Variants in NRG3 observed in about 807,000 individuals in gnomAD.
NRG3 encodes pro-neuregulin-3, membrane-bound isoform.
A neutral mutation model predicts 66.9 loss-of-function variants in NRG3; 31 were observed. That is an observed-to-expected ratio of 0.46 (90% CI 0.35 to 0.63). NRG3 has a LOEUF of 0.63. NRG3 is among the 20% of genes least tolerant of loss of function. NRG3 has a pLI of 0.00. For synonymous variants in NRG3, 393 were observed against 359.4 expected (o/e 1.09, Z -1.06); for missense variants, 910 against 878.9 (o/e 1.04, Z -0.45).
chr10:82,930,327 AGT>A (rs1847440185), intron 4 of NRG3, among the ~76,000 whole-genome samples: 1 of 152,218 alleles, frequency 6.6e-6, no homozygotes, highest in Non-Finnish European at 1.5e-5. Context: ...TGGTTAGCAT[AGT>A]GGTGGAATTT....
At chr10:82,360,520 G>A (rs1163130327) in intron 2 of NRG3, among the ~76,000 whole-genome samples, 1 of 152,228 alleles carries the variant, frequency 6.6e-6, no homozygotes, top group Admixed American at 6.5e-5. Flanking sequence ...TCCCACCACA[G>A]TATGCAGGCT....
At position 82,886,326 on chromosome 10, in the gene NRG3, T is replaced by C. The variant is rs531844280; in HGVS notation, c.1054+20889T>C. Among the ~76,000 whole-genome samples, 3 of 152,328 alleles carry C rather than the reference T, an allele frequency of 2.0e-5. No homozygotes were observed. The East Asian group carries it at 5.8e-4, about 29-fold the overall frequency. Reference sequence around the variant, plus strand: ...TCTTTTACAAAGGCACTTCCTTTCTTTATTTGGAGCTCAACCCTCACTAGC... The same window carrying C: ...TCTTTTACAAAGGCACTTCCTTTCTCTATTTGGAGCTCAACCCTCACTAGC... On this transcript the variant is annotated intron_variant, in intron 4 of 8. Coordinates refer to ENST00000372141, the MANE Select transcript of NRG3 (RefSeq NM_001010848.4).
chr10:81,942,178 C>T (rs986359502), intron 1 of NRG3, among the ~76,000 whole-genome samples: 15 of 152,048 alleles, frequency 9.9e-5, no homozygotes, highest in African/African-American at 3.6e-4. Flanking sequence ...AAGACTCCAA[C>T]CCAGAATTCA....
intron 1 of NRG3, among the ~76,000 whole-genome samples, chr10:81,912,142 T>C (rs1845230681): frequency 6.6e-6 from 1 of 152,226 alleles, no homozygotes; most frequent in African/African-American, 2.4e-5. Context: ...TTTTGTATTT[T>C]ATTTTATGCT....
chr10:82,495,354 T>C (rs912342159), intron 2 of NRG3, among the ~76,000 whole-genome samples: 5 of 152,194 alleles, frequency 3.3e-5, no homozygotes, highest in Non-Finnish European at 7.3e-5. Context: ...GGATTTTTCA[T>C]TGAGAAAAGA....
At chr10:82,382,878 T>C (rs1025219114) in intron 2 of NRG3, among the ~76,000 whole-genome samples, 3 of 152,016 alleles carry the variant, frequency 2.0e-5, no homozygotes, top group Non-Finnish European at 4.4e-5. Flanking sequence ...TTTGCCTGTA[T>C]AGAAATATTC....
At chr10:82,969,549 C>A (rs1851537072) in intron 6 of NRG3, among the ~76,000 whole-genome samples, 1 of 152,200 alleles carries the variant, frequency 6.6e-6, no homozygotes, top group Admixed American at 6.5e-5. Flanking sequence ...TGCAAAAAGA[C>A]TGACCAGCCT....
chr10:82,139,717 A>G (rs1281839354), intron 1 of NRG3, among the ~76,000 whole-genome samples: 2 of 152,182 alleles, frequency 1.3e-5, no homozygotes, highest in Admixed American at 6.6e-5. Context: ...ATCAAGGTGT[A>G]CACTTTTTTC....
chr10:82,092,270 C>T (rs901792828), intron 1 of NRG3, among the ~76,000 whole-genome samples: 1 of 152,118 alleles, frequency 6.6e-6, no homozygotes, highest in Non-Finnish European at 1.5e-5. Context: ...TTCTGCCTGA[C>T]TTCAAAGCAT....
At chr10:82,151,602 A>G (rs375345781) in intron 1 of NRG3, among the ~76,000 whole-genome samples, 6 of 152,114 alleles carry the variant, frequency 3.9e-5, no homozygotes, top group African/African-American at 1.4e-4. Context: ...AGTCGTCTGT[A>G]ATTTGTAAGT....
intron 1 of NRG3, among the ~76,000 whole-genome samples, chr10:82,169,800 A>G (rs903221673): frequency 2.6e-5 from 4 of 151,692 alleles, no homozygotes; most frequent in Admixed American, 1.3e-4. Context: ...CTTTCAGTAT[A>G]TCATTTTTAT....
At chr10:82,041,484 C>A (rs1279733768) in intron 1 of NRG3, among the ~76,000 whole-genome samples, 1 of 151,948 alleles carries the variant, frequency 6.6e-6, no homozygotes, top group Non-Finnish European at 1.5e-5. Flanking sequence ...CTGGATCTAT[C>A]TCTAAACCTA....
intron 4 of NRG3, among the ~76,000 whole-genome samples, chr10:82,933,841 C>CAATA (rs1445944587): frequency 1.3e-5 from 2 of 152,072 alleles, no homozygotes; most frequent in Non-Finnish European, 2.9e-5. Context: ...ATACTTATTT[C>CAATA]AATATCCCAT....
chr10:82,608,140 T>C (rs1386340086), intron 2 of NRG3, among the ~76,000 whole-genome samples: 1 of 152,206 alleles, frequency 6.6e-6, no homozygotes, highest in Non-Finnish European at 1.5e-5. Flanking sequence ...TTTGTTTGTC[T>C]AAGAAAGTCT....
chr10:81,875,706 C>T lies in NRG3; in HGVS notation c.366C>T (p.Pro122=). Reference sequence around the variant, plus strand: ...TCCTCTCCAAGCCCAGCTCTTTCCCCAAGGCCATGGAGACCACCACCACTA... The same window carrying T: ...TCCTCTCCAAGCCCAGCTCTTTCCCTAAGGCCATGGAGACCACCACCACTA... ...PFFLSKPSSF[P]KAMETTTTTT... The change falls in exon 1 of 9, where the codon CCC becomes CCT. Residue 122 remains proline (P), a synonymous_variant. Transcript: ENST00000372141. This position sits in a 1 kb window ranked among gnomAD's most constrained non-coding sequence, Gnocchi z 5.3. 1 of 1,613,726 alleles carries T rather than the reference C, an allele frequency of 6.2e-7. No homozygotes were observed. Among genetic ancestry groups the T allele is most frequent in the Non-Finnish European group, 8.5e-7 (1 of 1,179,936 alleles).
At chr10:82,323,178 G>C (rs1241344236) in intron 1 of NRG3, among the ~76,000 whole-genome samples, 2 of 152,146 alleles carry the variant, frequency 1.3e-5, no homozygotes, top group East Asian at 1.9e-4. Context: ...TTGGATTCCA[G>C]ATGTCCTCCA....
intron 1 of NRG3, among the ~76,000 whole-genome samples, chr10:82,248,473 C>G (rs1056824865): frequency 2.0e-5 from 3 of 152,186 alleles, no homozygotes; most frequent in Non-Finnish European, 2.9e-5. Context: ...GTCTGCCTGC[C>G]TTCCTGGTCC....
chr10:82,478,231 CTTTTTTTTTTTT>C lies in NRG3; in HGVS notation c.953+119380_953+119391del, dbSNP rs1210990084. 1.0e-2 allele frequency among the ~76,000 whole-genome samples: 181 copies of C among 18,166 alleles called. 60 individuals carry two copies. Among genetic ancestry groups the C allele is most frequent in the Non-Finnish European group, 0.021 (155 of 7,488 alleles). 11.9% of individuals were successfully genotyped at this position (18,166 alleles called of 152,430 possible). A position where few individuals can be genotyped will look rare whatever the true frequency, so the allele number is the denominator to read the frequency against. The stretch of plus-strand genomic sequence containing the variant: ...ATGCTGAGTGTTGGCTTGTGTCACT[CTTTTTTTTTTTT>C]TTTTTTTTTTTTTTTTAATTTATTT... On this transcript the variant is annotated intron_variant, in intron 2 of 8. Coordinates refer to ENST00000372141, the MANE Select transcript of NRG3 (RefSeq NM_001010848.4).
At chr10:82,884,527 G>A (rs1298491507) in intron 4 of NRG3, among the ~76,000 whole-genome samples, 1 of 152,042 alleles carries the variant, frequency 6.6e-6, no homozygotes, top group Non-Finnish European at 1.5e-5. Flanking sequence ...TGCCATTGTT[G>A]GTAAGATCTC....
Sources: allele counts gnomAD v4.1 joint callset (sites outside exome capture counted in the v4.1 genomes callset), GRCh38; gene constraint gnomAD v4.1.1; non-coding constraint Gnocchi (gnomAD v3.1); transcripts MANE v1.5; gene names NCBI Gene and HGNC (gene_info 2026-07-23, HGNC 2026-07-21).